ABCB11: variants seen among roughly 807,000 people sequenced by gnomAD.
The protein encoded by ABCB11 is ATP binding cassette subfamily B member 11.
In ABCB11, 95 loss-of-function variants were observed where a neutral mutation model predicts 148.0. The observed-to-expected ratio is 0.64, with a 90% confidence interval of 0.54 to 0.76. The LOEUF (loss-of-function observed/expected upper bound fraction) is 0.76, where lower values mean the gene tolerates loss of function less well. ABCB11 is among the 30% of genes least tolerant of loss of function. The pLI is 0.00. For synonymous variants in ABCB11, 591 were observed against 555.4 expected, an observed-to-expected ratio of 1.06 and a Z score of -0.90; for missense variants, 1,523 against 1,617.8, an observed-to-expected ratio of 0.94 and a Z score of 1.01.
intron 1 of ABCB11, among the ~76,000 whole-genome samples, chr2:169,021,949 A>ATTTATTTAGT (rs1475246510): frequency 4.6e-5 from 7 of 152,054 alleles, no homozygotes; most frequent in Admixed American, 1.3e-4. Flanking sequence ...TGACAATGCA[A>ATTTATTTAGT]TTAAATAAAA....
At chr2:168,954,371 T>C (rs866134390) in intron 19 of ABCB11, among the ~76,000 whole-genome samples, 1 of 151,752 alleles carries the variant, frequency 6.6e-6, no homozygotes, top group African/African-American at 2.4e-5. Context: ...TTTGTTTCCA[T>C]GTTTAAGACC....
At chr2:168,941,908 A>G (rs1480887749) in intron 21 of ABCB11, among the ~76,000 whole-genome samples, 1 of 152,058 alleles carries the variant, frequency 6.6e-6, no homozygotes, top group Non-Finnish European at 1.5e-5. Flanking sequence ...TGTAAACACA[A>G]CTTTTATATG....
intron 5 of ABCB11, among the ~76,000 whole-genome samples, chr2:168,999,137 A>G (rs1395020242): frequency 6.6e-6 from 1 of 152,078 alleles, no homozygotes; most frequent in Non-Finnish European, 1.5e-5. Context: ...ATGAATTAAG[A>G]TTCCCCATTT....
intron 19 of ABCB11, among the ~76,000 whole-genome samples, chr2:168,949,343 A>G (rs1183591390): frequency 6.6e-6 from 1 of 151,512 alleles, no homozygotes; most frequent in Non-Finnish European, 1.5e-5. Context: ...TTCAACCTTC[A>G]TCTCCCTCCC....
At chr2:169,021,513 T>A (rs181158046) in intron 1 of ABCB11, among the ~76,000 whole-genome samples, 197 of 152,198 alleles carry the variant, frequency 1.3e-3, no homozygotes, top group African/African-American at 4.5e-3. Context: ...TAACACAACA[T>A]AGCCTGCAAC....
At chr2:168,961,267 G>A (rs1197486793) in intron 18 of ABCB11, among the ~76,000 whole-genome samples, 1 of 151,608 alleles carries the variant, frequency 6.6e-6, no homozygotes, top group East Asian at 1.9e-4. Flanking sequence ...AATAACCTCC[G>A]ACTTAAATCT....
rs555958486 is a variant in ABCB11 at position 168,991,699 on chromosome 2, T to C, written c.784-774A>G. 4.6e-5 allele frequency among the ~76,000 whole-genome samples: 7 copies of C among 152,176 alleles called. No homozygotes were observed. The East Asian group carries it at 9.7e-4, about 21-fold the overall frequency. On this transcript the variant is annotated intron_variant, in intron 8 of 27. Coordinates refer to ENST00000650372, the MANE Select transcript of ABCB11 (RefSeq NM_003742.4). ...CAAACTTTTAGCAGCAAAACTCTTATCAAAATCTTAGATGGAATTCTAAGA... is the reference window on the plus strand; with the variant it reads ...CAAACTTTTAGCAGCAAAACTCTTACCAAAATCTTAGATGGAATTCTAAGA...
chr2:169,002,808 T>C (rs1041565654), intron 5 of ABCB11, among the ~76,000 whole-genome samples: 1 of 152,040 alleles, frequency 6.6e-6, no homozygotes, highest in Non-Finnish European at 1.5e-5. Flanking sequence ...GGTTAAAAAA[T>C]ACAAAATTTC....
intron 25 of ABCB11, among the ~76,000 whole-genome samples, chr2:168,929,585 TG>T (rs1465429068): frequency 6.6e-6 from 1 of 152,212 alleles, no homozygotes; most frequent in Non-Finnish European, 1.5e-5. Flanking sequence ...GAATGTGCTC[TG>T]AATTCTTGAT....
In ABCB11 at chr2:168,965,908, T is replaced by C. The variant is rs537871494; in HGVS notation, c.2076-1600A>G. On this transcript the variant is annotated intron_variant, in intron 17 of 27. Transcript: ENST00000650372. Reference sequence around the variant, plus strand: ...GTTCCCATTTTCTGTTAATGGCACTTCCATCCTCTTAGTCACCCAGGTTCA... The same window carrying C: ...GTTCCCATTTTCTGTTAATGGCACTCCCATCCTCTTAGTCACCCAGGTTCA... Among the ~76,000 whole-genome samples the C allele has an allele frequency of 3.9e-5, 6 of 151,968 alleles. No individual in the cohort carries two copies. The South Asian group carries it at 1.2e-3, about 31-fold the overall frequency.
chr2:169,030,751 T>C (rs2106083724), intron 1 of ABCB11, among the ~76,000 whole-genome samples: 1 of 152,044 alleles, frequency 6.6e-6, no homozygotes, highest in Non-Finnish European at 1.5e-5. Context: ...ACCGGGACAA[T>C]GAAGAAATGA....
intron 5 of ABCB11, 98 bp from the exon 6 acceptor site, chr2:168,996,820 T>A (rs1694733340): frequency 3.5e-6 from 1 of 288,214 alleles, no homozygotes; most frequent in Non-Finnish European, 6.1e-6. Flanking sequence ...ATATATATAT[T>A]TTAAATATAT....
intron 18 of ABCB11, among the ~76,000 whole-genome samples, chr2:168,960,598 G>A (rs1693026501): frequency 1.3e-5 from 2 of 151,466 alleles, no homozygotes; most frequent in East Asian, 2.0e-4. Flanking sequence ...CAAGAAATAC[G>A]AATTAATTAA....
chr2:169,018,936 A>G (rs972424147), intron 1 of ABCB11, among the ~76,000 whole-genome samples: 1 of 152,192 alleles, frequency 6.6e-6, no homozygotes, highest in African/African-American at 2.4e-5. Context: ...AGAGCACAGA[A>G]GCAGCTGGTA....
At chr2:168,936,180 T>G (rs1691815131) in intron 22 of ABCB11, 50 bp downstream of exon 22, 2 of 1,553,426 alleles carry the variant, frequency 1.3e-6, no homozygotes, top group Non-Finnish European at 1.8e-6. Context: ...ACAGTTTGTC[T>G]GATAGCCACT....
At chr2:168,956,245 A>G (rs1364181671) in intron 19 of ABCB11, among the ~76,000 whole-genome samples, 1 of 151,632 alleles carries the variant, frequency 6.6e-6, no homozygotes, top group Admixed American at 6.6e-5. Flanking sequence ...CCACCCACCC[A>G]TGATCCAATT....
At chr2:168,939,617 A>T (rs1306522544) in intron 21 of ABCB11, among the ~76,000 whole-genome samples, 3 of 152,068 alleles carry the variant, frequency 2.0e-5, no homozygotes, top group African/African-American at 7.2e-5. Context: ...CACCTCTACT[A>T]CCACTCTTAT....
intron 9 of ABCB11, among the ~76,000 whole-genome samples, chr2:168,989,498 G>A (rs1694439242): frequency 6.6e-6 from 1 of 151,990 alleles, no homozygotes; most frequent in Non-Finnish European, 1.5e-5. Context: ...CTGTTTCTAT[G>A]CCAGTACCAT....
chr2:168,999,616 T>G (rs1694814274), intron 5 of ABCB11, among the ~76,000 whole-genome samples: 1 of 152,020 alleles, frequency 6.6e-6, no homozygotes, highest in African/African-American at 2.4e-5. Context: ...TTTTTTCCAC[T>G]TAGCATAATT....
Sources: allele counts gnomAD v4.1 joint callset (sites outside exome capture counted in the v4.1 genomes callset), GRCh38; gene constraint gnomAD v4.1.1; transcripts MANE v1.5; gene names NCBI Gene and HGNC (gene_info 2026-07-23, HGNC 2026-07-21).